Variants in STT3B observed in about 807,000 individuals in gnomAD.
STT3B encodes the protein STT3 oligosaccharyltransferase complex catalytic subunit B.
Under a neutral mutation model 96.8 loss-of-function variants are expected in STT3B, and 29 were observed. The observed-to-expected ratio is 0.30, with a 90% confidence interval of 0.22 to 0.41. STT3B has a LOEUF of 0.41. STT3B is among the 10% of genes least tolerant of loss of function. The probability of loss-of-function intolerance (pLI) is 1.00; values close to 1 mark genes in which losing one functional copy is unlikely to be tolerated. For missense variants in STT3B, 640 were observed against 1,022.3 expected, an observed-to-expected ratio of 0.63 and a Z score of 5.10; for synonymous variants, 367 against 360.0, an observed-to-expected ratio of 1.02 and a Z score of -0.22.
chr3:31,565,474 C>T (rs140745690), intron 1 of STT3B, among the ~76,000 whole-genome samples: 1 of 152,284 alleles, frequency 6.6e-6, no homozygotes, highest in Non-Finnish European at 1.5e-5. Context: ...CATACTTACT[C>T]ATAACCTTGT....
At chr3:31,586,409 G>T (rs562792518) in intron 3 of STT3B, among the ~76,000 whole-genome samples, 1 of 152,074 alleles carries the variant, frequency 6.6e-6, no homozygotes, top group African/African-American at 2.4e-5. Flanking sequence ...TTTATGGAAT[G>T]TATCAGCTTT....
chr3:31,628,220 G>C (rs1303435715), intron 13 of STT3B, among the ~76,000 whole-genome samples: 1 of 151,122 alleles, frequency 6.6e-6, no homozygotes, highest in Non-Finnish European at 1.5e-5. Context: ...AGTTAAAAAT[G>C]GGGGGGCGGG....
intron 14 of STT3B, 49 bp from the exon 15 acceptor site, chr3:31,632,884 CTG>C (rs754749002): frequency 9.3e-6 from 14 of 1,497,998 alleles, no homozygotes; most frequent in Non-Finnish European, 1.3e-5. Flanking sequence ...TCTTATAACA[CTG>C]AATGTTTTCC....
intron 1 of STT3B, among the ~76,000 whole-genome samples, chr3:31,537,574 G>A (rs960325699): frequency 7.9e-5 from 12 of 152,098 alleles, no homozygotes; most frequent in Non-Finnish European, 1.6e-4. Context: ...TAGGCCCTAC[G>A]GTAGTTAGGG....
intron 1 of STT3B, among the ~76,000 whole-genome samples, chr3:31,539,073 A>C (rs1285080062): frequency 6.6e-6 from 1 of 152,150 alleles, no homozygotes; most frequent in Non-Finnish European, 1.5e-5. Flanking sequence ...CAGGAAATCT[A>C]ACCATTATTT....
At chr3:31,588,782 A>G (rs1157437470) in intron 3 of STT3B, among the ~76,000 whole-genome samples, 2 of 151,816 alleles carry the variant, frequency 1.3e-5, no homozygotes, top group Non-Finnish European at 2.9e-5. Context: ...TTCTTTTTCT[A>G]TGTATTGCCT....
intron 1 of STT3B, among the ~76,000 whole-genome samples, chr3:31,539,182 C>T (rs1228080193): frequency 6.6e-6 from 1 of 152,084 alleles, no homozygotes; most frequent in Non-Finnish European, 1.5e-5. Context: ...GTGAATGCCT[C>T]TTTATGTTGT....
chr3:31,599,678 G>A (rs1445687781), intron 4 of STT3B, among the ~76,000 whole-genome samples: 1 of 152,160 alleles, frequency 6.6e-6, no homozygotes, highest in African/African-American at 2.4e-5. Context: ...CTATTATTTA[G>A]TGTACCAAAA....
At chr3:31,554,857 C>G (rs921488027) in intron 1 of STT3B, among the ~76,000 whole-genome samples, 1 of 152,090 alleles carries the variant, frequency 6.6e-6, no homozygotes, top group African/African-American at 2.4e-5. Flanking sequence ...AGAAACATAA[C>G]AGCCCTAAAG....
At chr3:31,555,484 G>A (rs192106765) in intron 1 of STT3B, among the ~76,000 whole-genome samples, 132 of 152,138 alleles carry the variant, frequency 8.7e-4, no homozygotes, top group South Asian at 1.7e-3. Flanking sequence ...AGGAAATAGC[G>A]TTTCTTTCTT....
At chr3:31,562,578 C>T (rs1697906533) in intron 1 of STT3B, among the ~76,000 whole-genome samples, 1 of 152,160 alleles carries the variant, frequency 6.6e-6, no homozygotes, top group Non-Finnish European at 1.5e-5. Flanking sequence ...GCAGCAACTG[C>T]ATTGCAACCC....
chr3:31,595,817 G>C (rs970361636), intron 3 of STT3B, among the ~76,000 whole-genome samples: 1 of 152,190 alleles, frequency 6.6e-6, no homozygotes, highest in Admixed American at 6.5e-5. Context: ...TTGATTGGAT[G>C]CCTTGCATCT....
intron 3 of STT3B, among the ~76,000 whole-genome samples, chr3:31,589,763 C>T (rs1698625254): frequency 1.3e-5 from 2 of 151,978 alleles, no homozygotes; most frequent in African/African-American, 4.8e-5. Context: ...TTTCTACATA[C>T]AAGATCATGT....
At chr3:31,556,662 T>G (rs1166833024) in intron 1 of STT3B, among the ~76,000 whole-genome samples, 1 of 152,244 alleles carries the variant, frequency 6.6e-6, no homozygotes, top group African/African-American at 2.4e-5. Flanking sequence ...GTTGAACATT[T>G]TTTCATATGC....
chr3:31,533,152 A>G lies in STT3B; in HGVS notation c.154A>G (p.Lys52Glu). The G allele has an allele frequency of 7.7e-7, 1 of 1,295,102 alleles. No individual in the cohort carries two copies. Among genetic ancestry groups the G allele is most frequent in the Non-Finnish European group, 9.8e-7 (1 of 1,021,590 alleles). 80.2% of individuals were successfully genotyped at this position (1,295,102 alleles called of 1,614,324 possible). ...HKAAGGAAPP[K>E]PAPAGLSGGL... is the part of the protein sequence containing the mutation. ...GGCGGCGGGCGGCGCGGCGCCGCCG[A>G]AGCCGGCCCCGGCGGGGCTGTCCGG... Residue 52 changes from lysine (K) to glutamate (E), a missense_variant, in exon 1 of 16, where the codon AAG becomes GAG. By Grantham distance (56) the Lys-to-Glu change is moderately conservative. Coordinates refer to ENST00000295770, the MANE Select transcript of STT3B (RefSeq NM_178862.3).
chr3:31,541,454 CT>C (rs1175760486), intron 1 of STT3B, among the ~76,000 whole-genome samples: 12 of 121,402 alleles, frequency 9.9e-5, no homozygotes, highest in African/African-American at 2.8e-4. Context: ...GCTTTTGTGT[CT>C]TTTTTTTTCT....
intron 3 of STT3B, among the ~76,000 whole-genome samples, chr3:31,582,439 C>T (rs1399095075): frequency 6.6e-6 from 1 of 151,508 alleles, no homozygotes; most frequent in Non-Finnish European, 1.5e-5. Flanking sequence ...GGACTACAGG[C>T]GCCTGCCACT....
chr3:31,631,618 C>T (rs1238913053), intron 14 of STT3B, among the ~76,000 whole-genome samples: 1 of 152,068 alleles, frequency 6.6e-6, no homozygotes, highest in Non-Finnish European at 1.5e-5. Flanking sequence ...AAGTAATTCA[C>T]TATTTGAAGG....
chr3:31,541,376 C>CT (rs1314385947), intron 1 of STT3B, among the ~76,000 whole-genome samples: 2 of 151,662 alleles, frequency 1.3e-5, no homozygotes, highest in African/African-American at 4.8e-5. Context: ...GTGGTAAACT[C>CT]TGTGTGCATT....
Sources: gnomAD v4.1 joint callset for allele counts (sites outside exome capture counted in the v4.1 genomes callset) on GRCh38, gnomAD v4.1.1 for gene constraint, MANE v1.5 for transcripts, NCBI Gene and HGNC (gene_info 2026-07-23, HGNC 2026-07-21) for gene names.